VWDE: variants seen among roughly 807,000 people sequenced by gnomAD.
The protein encoded by VWDE is von Willebrand factor D and EGF domain-containing protein.
In VWDE, 207 loss-of-function variants were observed where a neutral mutation model predicts 178.4. That is an observed-to-expected ratio of 1.16 (90% CI 1.04 to 1.30). VWDE has a LOEUF of 1.30. Ranked by LOEUF, VWDE falls within the 50% of genes most tolerant of loss-of-function variation. VWDE has a pLI of 0.00. For synonymous variants in VWDE, 738 were observed against 651.4 expected (o/e 1.13, Z -2.02); for missense variants, 2,287 against 1,901.3 (o/e 1.20, Z -3.77).
chr7:12,376,837 CTCTA>C (rs2128557347), intron 7 of VWDE, among the ~76,000 whole-genome samples: 1 of 152,124 alleles, frequency 6.6e-6, no homozygotes, highest in South Asian at 2.1e-4. Flanking sequence ...CTCTTAATTC[CTCTA>C]TCTCTTTAGC....
At chr7:12,345,338 CTT>C (rs558960273) in intron 19 of VWDE, among the ~76,000 whole-genome samples, 2 of 151,950 alleles carry the variant, frequency 1.3e-5, no homozygotes, top group South Asian at 2.1e-4. Flanking sequence ...TTTTTAATAA[CTT>C]AAACTTGAAT....
intron 5 of VWDE, among the ~76,000 whole-genome samples, chr7:12,379,879 G>C (rs574431285): frequency 4.6e-5 from 7 of 152,230 alleles, no homozygotes; most frequent in South Asian, 2.1e-4. Context: ...CGGATCACGA[G>C]GTCAAGAAAT....
chr7:12,403,572 C>G, intron 1 of VWDE, 87 bp downstream of exon 1: 1 of 1,315,740 alleles, frequency 7.6e-7, no homozygotes, highest in African/African-American at 1.5e-5. Context: ...GGACGCTCCC[C>G]AAGTCGTCCA....
rs1781075669 is a variant in VWDE at position 12,337,047 on chromosome 7, C to G, written c.4499G>C (p.Cys1500Ser). The G allele has an allele frequency of 6.4e-7, 1 of 1,551,482 alleles. No individual in the cohort carries two copies. Among genetic ancestry groups the G allele is most frequent in the Admixed American group, 2.0e-5 (1 of 50,970 alleles). Reference sequence around the variant, plus strand: ...ACAAGAGCAAGTGCTTGGTCCCACACATTTTCCTCCATTCATGCACGTAGG... The same window carrying G: ...ACAAGAGCAAGTGCTTGGTCCCACAGATTTTCCTCCATTCATGCACGTAGG... ...CDPTCMNGGK[C>S]VGPSTCSCPS... The change falls in exon 26 of 29, where the codon TGT becomes TCT. Residue 1500 changes from cysteine to serine, a missense_variant. Coordinates refer to ENST00000275358, the MANE Select transcript of VWDE (RefSeq NM_001135924.3).
At chr7:12,377,725 G>A in intron 7 of VWDE, 51 bp downstream of exon 7, 1 of 1,197,248 alleles carries the variant, frequency 8.4e-7, no homozygotes, top group South Asian at 2.3e-5. Flanking sequence ...GGAAAAAAAA[G>A]CATTATTGTT....
intron 13 of VWDE, among the ~76,000 whole-genome samples, chr7:12,362,417 T>G (rs1350147767): frequency 6.6e-6 from 1 of 152,126 alleles, no homozygotes; most frequent in African/African-American, 2.4e-5. Context: ...TAAACTCTAC[T>G]TAGTTCACTC....
chr7:12,332,684 C>G (rs951072738), intron 28 of VWDE, among the ~76,000 whole-genome samples: 1 of 152,018 alleles, frequency 6.6e-6, no homozygotes, highest in Non-Finnish European at 1.5e-5. Context: ...AAACCATAGC[C>G]CTATTATGAT....
At chr7:12,381,182 G>A (rs543456403) in intron 4 of VWDE, among the ~76,000 whole-genome samples, 34 of 152,198 alleles carry the variant, frequency 2.2e-4, no homozygotes, top group African/African-American at 7.7e-4. Context: ...ATTACTCTGG[G>A]CTGAAAGAGT....
At chr7:12,350,516 T>C (rs1345911752) in intron 19 of VWDE, among the ~76,000 whole-genome samples, 3 of 152,126 alleles carry the variant, frequency 2.0e-5, no homozygotes, top group Non-Finnish European at 4.4e-5. Context: ...AAATGGTATC[T>C]AGCAGAAACT....
At chr7:12,395,256 G>A (rs113896373) in intron 1 of VWDE, among the ~76,000 whole-genome samples, 2 of 152,098 alleles carry the variant, frequency 1.3e-5, no homozygotes, top group African/African-American at 4.8e-5. Flanking sequence ...TCTAATTTTA[G>A]AATATCTCTA....
chr7:12,369,928 G>T lies in VWDE; in HGVS notation c.2378C>A (p.Pro793His), dbSNP rs1172724701. The T allele has an allele frequency of 1.9e-6, 3 of 1,551,228 alleles. No individual in the cohort carries two copies. In the South Asian group the frequency reaches 3.6e-5, roughly 18 times the overall value. The change falls in exon 12 of 29, where the codon CCC becomes CAC. Residue 793 changes from proline (P) to histidine (H), a missense_variant. Physicochemically the swap from Pro to His is moderately conservative, Grantham distance 77. Transcript: ENST00000275358. Reference sequence around the variant, plus strand: ...GAGGCCAGAGGGAGTGGGCCAAGAGGGGAAAAACTCTTGCTGTACATCCTC... The same window carrying T: ...GAGGCCAGAGGGAGTGGGCCAAGAGTGGAAAAACTCTTGCTGTACATCCTC... The part of the protein sequence containing the change: ...HAEDVQQEFF[P>H]SWPTPSGLTE...
rs1398037941 is a variant in VWDE, at chr7:12,351,956, G to C, written c.3746-243C>G. Among the ~76,000 whole-genome samples, 3 of 152,136 alleles carry C rather than the reference G, an allele frequency of 2.0e-5. No individual in the cohort carries two copies. The East Asian group carries it at 5.8e-4, about 29-fold the overall frequency. ...CATGTTTGGAGACAGGGTCTTTAAGGGGGTAAATAAGATAAAATGAGATCA... is the reference window on the plus strand; with the variant it reads ...CATGTTTGGAGACAGGGTCTTTAAGCGGGTAAATAAGATAAAATGAGATCA... On this transcript the variant is annotated intron_variant, in intron 18 of 28. Transcript: ENST00000275358.
intron 10 of VWDE, among the ~76,000 whole-genome samples, 164 bp downstream of exon 10, chr7:12,372,813 G>A (rs1329249329): frequency 6.6e-6 from 1 of 152,072 alleles, no homozygotes; most frequent in Non-Finnish European, 1.5e-5. Flanking sequence ...GTGTCTATTT[G>A]TGTGTGGTGA....
chr7:12,369,740 C>G lies in VWDE; in HGVS notation c.2566G>C (p.Ala856Pro). 2 of 1,551,588 alleles carry G rather than the reference C, an allele frequency of 1.3e-6. No individual in the cohort carries two copies. The highest frequency in any genetic ancestry group is 1.7e-6 in the Non-Finnish European group (2 of 1,146,890). The change falls in exon 12 of 29, where the codon GCC (alanine) becomes CCC (proline). Residue 856 changes from alanine to proline, a missense_variant. Physicochemically the swap from Ala to Pro is conservative, Grantham distance 27. Coordinates refer to ENST00000275358, the MANE Select transcript of VWDE (RefSeq NM_001135924.3). ...DDLSWAEAGV[A>P]LLENECEKRI... Reference sequence around the variant, plus strand: ...TTTTCACATTCATTTTCTAAAAGGGCCACACCTGCTTCTGCCCAACTAAGA... The same window carrying G: ...TTTTCACATTCATTTTCTAAAAGGGGCACACCTGCTTCTGCCCAACTAAGA...
At chr7:12,403,297 TC>T (rs60945084) in intron 1 of VWDE, among the ~76,000 whole-genome samples, 13,210 of 152,222 alleles carry the variant, frequency 0.087, 766 homozygotes, top group East Asian at 0.13. Flanking sequence ...TTCTGAGAAT[TC>T]AGGTCCACTT....
intron 15 of VWDE, among the ~76,000 whole-genome samples, chr7:12,360,489 TA>T (rs1782516824): frequency 6.6e-6 from 1 of 152,132 alleles, no homozygotes; most frequent in Non-Finnish European, 1.5e-5. Context: ...CTCAAGAAAA[TA>T]AATTTTAAAC....
At chr7:12,376,247 G>A (rs1783521303) in intron 7 of VWDE, among the ~76,000 whole-genome samples, 1 of 152,036 alleles carries the variant, frequency 6.6e-6, no homozygotes, top group Non-Finnish European at 1.5e-5. Flanking sequence ...ATGAGGGGTT[G>A]TTCTCTTTAA....
In VWDE at chr7:12,361,372, C is replaced by A; in HGVS notation, c.3048G>T (p.Gln1016His). The A allele has an allele frequency of 6.5e-7, 1 of 1,546,636 alleles. No individual in the cohort carries two copies. The highest frequency in any genetic ancestry group is 8.7e-7 in the Non-Finnish European group (1 of 1,145,370). The change falls in exon 14 of 29, where the codon CAG (glutamine) becomes CAT (histidine). Residue 1016 changes from glutamine (Q) to histidine (H), a missense_variant. Gln to His is a conservative substitution (Grantham distance 24). Coordinates refer to ENST00000275358, the MANE Select transcript of VWDE (RefSeq NM_001135924.3). The part of the protein sequence containing the change: ...LVGGKPTGKW[Q>H]LKVSNDGYKF... ...ATGTCTTTTTATTTTTTACCTTCAA[C>A]TGCCACTTCCCAGTTGGTTTCCCAC...
chr7:12,403,698 C>G lies in VWDE; in HGVS notation c.19G>C (p.Val7Leu). 6.5e-7 allele frequency: 1 copy of G among 1,549,508 alleles called. No homozygotes were observed. Among genetic ancestry groups the G allele is most frequent in the South Asian group, 1.2e-5 (1 of 84,032 alleles). The stretch of plus-strand genomic sequence containing the variant: ...AGGAACATCAGCGCGATCACCAGCA[C>G]GCAGGCTCCGCCAGGCATCGCTGCT... MPGGAC[V>L]LVIALMFLAW... Residue 7 changes from valine (V) to leucine (L), a missense_variant, in exon 1 of 29, where the codon GTG becomes CTG. Transcript: ENST00000275358.
Sources: gnomAD v4.1 joint callset for allele counts (sites outside exome capture counted in the v4.1 genomes callset) on GRCh38, gnomAD v4.1.1 for gene constraint, MANE v1.5 for transcripts, NCBI Gene and HGNC (gene_info 2026-07-23, HGNC 2026-07-21) for gene names.